Variants in DLX1 observed in about 807,000 individuals in gnomAD.
DLX1 encodes the protein distal-less homeobox 1.
A neutral mutation model predicts 25.0 loss-of-function variants in DLX1; 7 were observed. The ratio of observed to expected loss-of-function variants is 0.28; its 90% CI spans 0.16 to 0.52. The LOEUF (loss-of-function observed/expected upper bound fraction) is 0.52, where lower values mean the gene tolerates loss of function less well. Among genes scored for constraint, DLX1 ranks in the 20% least tolerant of loss-of-function variants. The pLI is 0.96. For missense variants in DLX1, 233 were observed against 334.4 expected, an observed-to-expected ratio of 0.70 and a Z score of 2.37; for synonymous variants, 155 against 140.3, an observed-to-expected ratio of 1.10 and a Z score of -0.74.
rs978212622 is a variant in DLX1, at chr2:172,089,329, C to G, written c.*1072C>G. 3.3e-5 allele frequency: 5 copies of G among 152,376 alleles called. No homozygotes were observed. Among genetic ancestry groups the G allele is most frequent in the African/African-American group, 1.2e-4 (5 of 41,394 alleles). 9.4% of individuals were successfully genotyped at this position (152,376 alleles called of 1,614,324 possible). A position where few individuals can be genotyped will look rare whatever the true frequency, so the allele number is the denominator to read the frequency against. ...ACCACAGAATAATGCCAGTCACCAC[C>G]CTGAACGCACAATCTCCAGTGCAGG... is the stretch of plus-strand genomic sequence containing the variant. On this transcript the variant is annotated 3_prime_UTR_variant, in exon 3 of 3. Transcript: ENST00000361725.
rs900699285 is a variant in DLX1 at position 172,088,330 on chromosome 2, G to A, written c.*73G>A. The stretch of plus-strand genomic sequence containing the variant: ...GCCTCCAGGTCCATCCATCCCGTCC[G>A]GAAAAGAAGGACCCAGAGGGAAGAA... On this transcript the variant is annotated 3_prime_UTR_variant, in exon 3 of 3. Transcript: ENST00000361725. 2.9e-6 allele frequency: 4 copies of A among 1,402,380 alleles called. No homozygotes were observed. In the South Asian group the frequency reaches 5.1e-5, roughly 18 times the overall value. The allele number at this position is 1,402,380 out of a possible 1,614,324, so 86.9% of individuals were successfully genotyped here. A position where few individuals can be genotyped will look rare whatever the true frequency, so the allele number is the denominator to read the frequency against.
chr2:172,087,217 A>C, intron 2 of DLX1: 1 of 437,700 alleles, frequency 2.3e-6, no homozygotes, highest in Non-Finnish European at 4.5e-6. Flanking sequence ...TGTGTGACTA[A>C]TCACTCGGGG....
Position 172,088,122 on chromosome 2 carries a change from C to A in DLX1, c.633C>A (p.Pro211=), listed in dbSNP as rs200336628. ...GGGCCCTGTCTGCTGGCTCCCCACC[C>A]GTGCCGCCCGGCTGGAACCCTAACT... The part of the protein sequence containing the change: ...NGRALSAGSP[P]VPPGWNPNSS... The change falls in exon 3 of 3, where the codon CCC becomes CCA. Residue 211 remains proline, a synonymous_variant. Transcript: ENST00000361725. 41 of 1,608,804 alleles carry A rather than the reference C, an allele frequency of 2.5e-5. No individual in the cohort carries two copies. The East Asian group carries it at 7.4e-4, about 29-fold the overall frequency.
At position 172,085,552 on chromosome 2, in the gene DLX1, T is replaced by C. The variant is rs1244140347; in HGVS notation, c.-126T>C. ...TTTCAAAGAGACAAACTCCATTTTCTTATGAATGGAAAGTGAAAACCCCTG... is the reference window on the plus strand; with the variant it reads ...TTTCAAAGAGACAAACTCCATTTTCCTATGAATGGAAAGTGAAAACCCCTG... On this transcript the variant is annotated 5_prime_UTR_variant, in exon 1 of 3. Transcript: ENST00000361725. This position sits in a 1 kb window ranked among gnomAD's most constrained non-coding sequence, Gnocchi z 4.3. The C allele has an allele frequency of 6.1e-6, 6 of 987,048 alleles. No individual in the cohort carries two copies. In the Admixed American group the frequency reaches 1.5e-4, roughly 24 times the overall value. 61.1% of individuals were successfully genotyped at this position (987,048 alleles called of 1,614,324 possible). A position where few individuals can be genotyped will look rare whatever the true frequency, so the allele number is the denominator to read the frequency against.
At chr2:172,086,440 G>A in intron 1 of DLX1, 1 of 503,162 alleles carries the variant, frequency 2.0e-6, no homozygotes. Context: ...GCAAAGGCAG[G>A]AGCTGAGCTC....
chr2:172,087,857 G>A lies in DLX1; in HGVS notation c.514-146G>A, dbSNP rs1216370817. 42 of 1,210,026 alleles carry A rather than the reference G, an allele frequency of 3.5e-5. No individual in the cohort carries two copies. The Admixed American group carries it at 4.4e-4, about 13-fold the overall frequency. The allele number at this position is 1,210,026 out of a possible 1,614,324, so 75.0% of individuals were successfully genotyped here. A position where few individuals can be genotyped will look rare whatever the true frequency, so the allele number is the denominator to read the frequency against. ...ATGGGGGAAGGGAGGAAGGAGGGAT[G>A]TCTCTGCTTCTCTGGCAGGGAGCTG... On this transcript the variant is annotated intron_variant, in intron 2 of 2. Coordinates refer to ENST00000361725, the MANE Select transcript of DLX1 (RefSeq NM_178120.5).
Position 172,086,046 on chromosome 2 carries a change from G to A in DLX1, c.313+56G>A. 6 of 1,318,670 alleles carry A rather than the reference G, an allele frequency of 4.6e-6. No individual in the cohort carries two copies. In the South Asian group the frequency reaches 7.6e-5, roughly 17 times the overall value. 81.7% of individuals were successfully genotyped at this position (1,318,670 alleles called of 1,614,324 possible). ...AGGAGGTACAAGGGAGAGAGGGAAA[G>A]AAGGAGCGGGGGAGAAGAGGAGAGG... On this transcript the variant is annotated intron_variant, in intron 1 of 2. Transcript: ENST00000361725.
chr2:172,086,457 A>G, intron 1 of DLX1, 197 bp from the exon 2 acceptor site: 1 of 528,154 alleles, frequency 1.9e-6, no homozygotes, highest in East Asian at 3.1e-5. Context: ...GCTCCTGGGA[A>G]CGGCTCTATC....
chr2:172,088,286 C>A lies in DLX1; in HGVS notation c.*29C>A. On this transcript the variant is annotated 3_prime_UTR_variant, in exon 3 of 3. Coordinates refer to ENST00000361725, the MANE Select transcript of DLX1 (RefSeq NM_178120.5). ...TGCCCGCCCGTCTCCTTCTTGTCTC[C>A]CCGGCCCAGGTCCCTCCCGCCTCCA... 7.0e-7 allele frequency: 1 copy of A among 1,433,704 alleles called. No individual in the cohort carries two copies. The highest frequency in any genetic ancestry group is 2.7e-5 in the East Asian group (1 of 36,676). The allele number at this position is 1,433,704 out of a possible 1,614,324, so 88.8% of individuals were successfully genotyped here.
Position 172,086,140 on chromosome 2 carries a change from A to G in DLX1, c.313+150A>G, listed in dbSNP as rs530105898. On this transcript the variant is annotated intron_variant, in intron 1 of 2. Transcript: ENST00000361725. ...GGTGGGGAGGGCGCGGGAGCAGTGG[A>G]GGTTTCGAATATCAATCTATAGATC... 1.4e-5 allele frequency: 10 copies of G among 710,656 alleles called. No homozygotes were observed. In the South Asian group the frequency reaches 1.7e-4, roughly 12 times the overall value. The allele number at this position is 710,656 out of a possible 1,614,324, so 44.0% of individuals were successfully genotyped here.
In DLX1 at chr2:172,086,774, G is replaced by C; in HGVS notation, c.434G>C (p.Arg145Pro). Residue 145 changes from arginine (R) to proline (P), a missense_variant, in exon 2 of 3, where the codon CGG (arginine) becomes CCG (proline). Coordinates refer to ENST00000361725, the MANE Select transcript of DLX1 (RefSeq NM_178120.5). The part of the protein sequence containing the change: ...YSSLQLQALN[R>P]RFQQTQYLAL... ...AGTTTGCAGTTGCAGGCTTTGAACC[G>C]GAGGTTCCAGCAAACTCAGTACCTA... 6.2e-7 allele frequency: 1 copy of C among 1,613,554 alleles called. No individual in the cohort carries two copies. Among genetic ancestry groups the C allele is most frequent in the Non-Finnish European group, 8.5e-7 (1 of 1,179,756 alleles).
chr2:172,085,758 C>T lies in DLX1; in HGVS notation c.81C>T (p.Asn27=), dbSNP rs374192365. The T allele has an allele frequency of 2.5e-6, 4 of 1,614,220 alleles. No individual in the cohort carries two copies. The highest frequency in any genetic ancestry group is 1.7e-5 in the Admixed American group (1 of 60,030). The change falls in exon 1 of 3, where the codon AAC becomes AAT. Residue 27 remains asparagine, a synonymous_variant. Transcript: ENST00000361725. This position sits in a 1 kb window ranked among gnomAD's most constrained non-coding sequence, Gnocchi z 4.3. ...TGTTTATGGAGTTTGGGCCGCCCAA[C>T]CAGCAAATGTCTCCTTCTCCCATGT... ...KAVFMEFGPP[N]QQMSPSPMSH...
In DLX1 at chr2:172,088,325, C is replaced by T. The variant is rs1411476142; in HGVS notation, c.*68C>T. ...CTCCCGCCTCCAGGTCCATCCATCC[C>T]GTCCGGAAAAGAAGGACCCAGAGGG... On this transcript the variant is annotated 3_prime_UTR_variant, in exon 3 of 3. Transcript: ENST00000361725. 9 of 1,404,474 alleles carry T rather than the reference C, an allele frequency of 6.4e-6. No homozygotes were observed. The highest frequency in any genetic ancestry group is 1.9e-4 in the Middle Eastern group (1 of 5,192). The allele number at this position is 1,404,474 out of a possible 1,614,324, so 87.0% of individuals were successfully genotyped here. A position where few individuals can be genotyped will look rare whatever the true frequency, so the allele number is the denominator to read the frequency against.
In DLX1 at chr2:172,088,572, A is replaced by G. The variant is rs1201918352; in HGVS notation, c.*315A>G. ...CGCCGACCTTCAGCTTTGTGGGACT[A>G]TCAGGAAAAAACAAAACAAAAACAA... On this transcript the variant is annotated 3_prime_UTR_variant, in exon 3 of 3. Transcript: ENST00000361725. The G allele has an allele frequency of 3.0e-6, 1 of 332,726 alleles. No individual in the cohort carries two copies. Among genetic ancestry groups the G allele is most frequent in the Non-Finnish European group, 5.4e-6 (1 of 183,882 alleles). 20.6% of individuals were successfully genotyped at this position (332,726 alleles called of 1,614,324 possible). A position where few individuals can be genotyped will look rare whatever the true frequency, so the allele number is the denominator to read the frequency against.
rs1175586204 is a variant in DLX1 at position 172,085,507 on chromosome 2, A to G, written c.-171A>G. 1.5e-5 allele frequency: 10 copies of G among 675,078 alleles called. No homozygotes were observed. The highest frequency in any genetic ancestry group is 8.8e-5 in the Admixed American group (3 of 33,956). 41.8% of individuals were successfully genotyped at this position (675,078 alleles called of 1,614,324 possible). On this transcript the variant is annotated 5_prime_UTR_variant, in exon 1 of 3. Coordinates refer to ENST00000361725, the MANE Select transcript of DLX1 (RefSeq NM_178120.5). This position sits in a 1 kb window ranked among gnomAD's most constrained non-coding sequence, Gnocchi z 4.3. Reference sequence around the variant, plus strand: ...GCTTTGAACCGAGTTTGGGGAGCTCAGCAGCATCATGCTTAGACTTTTCAA... The same window carrying G: ...GCTTTGAACCGAGTTTGGGGAGCTCGGCAGCATCATGCTTAGACTTTTCAA...
intron 2 of DLX1, chr2:172,087,064 C>G (rs751360748): frequency 4.2e-6 from 3 of 717,814 alleles, no homozygotes; most frequent in South Asian, 1.5e-5. Flanking sequence ...AGCTGCCTGC[C>G]GTCCGGCCCT....
intron 1 of DLX1, chr2:172,086,305 A>T (rs1690838369): frequency 6.4e-6 from 3 of 470,114 alleles, no homozygotes; most frequent in Non-Finnish European, 1.1e-5. Context: ...CCCGCTGGAA[A>T]ACAGAAACCC....
intron 1 of DLX1, 113 bp downstream of exon 1, chr2:172,086,103 A>T: frequency 9.8e-5 from 2 of 20,412 alleles, no homozygotes; most frequent in Non-Finnish European, 1.8e-4. Flanking sequence ...GAGGAGAGCG[A>T]GGTGGGGTGG....
Position 172,085,555 on chromosome 2 carries a change from T to A in DLX1, c.-123T>A. On this transcript the variant is annotated 5_prime_UTR_variant, in exon 1 of 3. It removes an upstream start codon present in the reference 5' UTR. Transcript: ENST00000361725. This position sits in a 1 kb window ranked among gnomAD's most constrained non-coding sequence, Gnocchi z 4.3. ...CAAAGAGACAAACTCCATTTTCTTA[T>A]GAATGGAAAGTGAAAACCCCTGTTC... 1.0e-6 allele frequency: 1 copy of A among 1,003,650 alleles called. No homozygotes were observed. Among genetic ancestry groups the A allele is most frequent in the South Asian group, 1.6e-5 (1 of 62,748 alleles). 62.2% of individuals were successfully genotyped at this position (1,003,650 alleles called of 1,614,324 possible). A position where few individuals can be genotyped will look rare whatever the true frequency, so the allele number is the denominator to read the frequency against.
Sources: gnomAD v4.1 joint callset for allele counts on GRCh38, gnomAD v4.1.1 for gene constraint, Gnocchi (gnomAD v3.1) non-coding constraint, MANE v1.5 for transcripts, NCBI Gene and HGNC (gene_info 2026-07-23, HGNC 2026-07-21) for gene names.